The following IL1RAPL1 variants were observed in gnomAD, a reference collection of about 807,000 sequenced individuals.
IL1RAPL1 encodes interleukin-1 receptor accessory protein-like 1.
IL1RAPL1 carries 3 observed loss-of-function variants against 48.4 expected under a neutral mutation model. The observed-to-expected ratio is 0.06, with a 90% CI of 0.03 to 0.16. The LOEUF (loss-of-function observed/expected upper bound fraction) is 0.16. IL1RAPL1 is among the 10% of genes least tolerant of loss of function. The pLI is 1.00. For synonymous variants in IL1RAPL1, 185 were observed against 187.7 expected (o/e 0.99, Z 0.12); for missense variants, 349 against 530.6 (o/e 0.66, Z 3.36).
chrX:28,840,445 T>G (rs1448128963), intron 2 of IL1RAPL1, among the ~76,000 whole-genome samples: 1 of 110,646 alleles, frequency 9.0e-6, no homozygotes, highest in Non-Finnish European at 1.9e-5. Flanking sequence ...ATGGGTTATG[T>G]GAAATATTTT....
chrX:29,613,719 G>A (rs1447421725), intron 5 of IL1RAPL1, among the ~76,000 whole-genome samples: 2 of 79,400 alleles, frequency 2.5e-5, no homozygotes, highest in Non-Finnish European at 4.4e-5. Flanking sequence ...TTTCGTGTGT[G>A]TGTGTGTGTG....
chrX:29,538,112 C>T (rs1234547977), intron 5 of IL1RAPL1, among the ~76,000 whole-genome samples: 1 of 108,766 alleles, frequency 9.2e-6, no homozygotes, highest in African/African-American at 3.3e-5. Flanking sequence ...GTTACCTGAT[C>T]TTTATTGTTT....
intron 6 of IL1RAPL1, among the ~76,000 whole-genome samples, chrX:29,859,362 A>G (rs978575124): frequency 8.9e-5 from 10 of 111,836 alleles, no homozygotes; most frequent in African/African-American, 2.9e-4. Context: ...TCCATAGCCA[A>G]TCTACCACCA....
chrX:28,652,791 ATT>A (rs58460550), intron 1 of IL1RAPL1, among the ~76,000 whole-genome samples: 16 of 103,148 alleles, frequency 1.6e-4, no homozygotes, highest in African/African-American at 5.3e-4. Flanking sequence ...CTGTGACGTG[ATT>A]TTTTTTTTTT....
At chrX:29,566,963 T>TGA (rs1378391829) in intron 5 of IL1RAPL1, among the ~76,000 whole-genome samples, 1 of 111,449 alleles carries the variant, frequency 9.0e-6, no homozygotes, top group African/African-American at 3.3e-5. Context: ...AGTTAAGAGA[T>TGA]GAGTATAGCT....
At chrX:29,768,518 G>A (rs763230891) in intron 6 of IL1RAPL1, among the ~76,000 whole-genome samples, 37 of 111,616 alleles carry the variant, frequency 3.3e-4, no homozygotes, top group African/African-American at 1.2e-3. Flanking sequence ...GCCATTGTGT[G>A]TGCCTGGTAC....
intron 2 of IL1RAPL1, among the ~76,000 whole-genome samples, chrX:28,945,223 C>A (rs926665990): frequency 9.0e-6 from 1 of 111,058 alleles, no homozygotes; most frequent in Non-Finnish European, 1.9e-5. Flanking sequence ...ACCAGAAATA[C>A]CATTTGACCC....
intron 2 of IL1RAPL1, among the ~76,000 whole-genome samples, chrX:29,069,767 T>C (rs2147439667): frequency 9.0e-6 from 1 of 111,321 alleles, no homozygotes; most frequent in Non-Finnish European, 1.9e-5. Context: ...AACAGCTAAT[T>C]TTTTATTTCT....
intron 2 of IL1RAPL1, among the ~76,000 whole-genome samples, chrX:29,070,972 A>G (rs55875666): frequency 0.059 from 6,587 of 111,657 alleles, 242 homozygotes; most frequent in African/African-American, 0.12. Flanking sequence ...TATATCAGAC[A>G]TGATCAGAAA....
rs189373882 is a variant in IL1RAPL1 at position 29,600,237 on chromosome X, C to A, written c.704-68193C>A. Among the ~76,000 whole-genome samples, 135 of 111,590 alleles carry A rather than the reference C, an allele frequency of 1.2e-3. 2 individuals carry two copies. The highest frequency in any genetic ancestry group is 4.2e-3 in the African/African-American group (128 of 30,603). On this transcript the variant is annotated intron_variant, in intron 5 of 10. Coordinates refer to ENST00000378993, the MANE Select transcript of IL1RAPL1 (RefSeq NM_014271.4). ...TGCTCCCTTGATGTGGTGTTCTCCCCCTTCCCCTAGGAATAAAGCTTCCTG... is the reference window on the plus strand; with the variant it reads ...TGCTCCCTTGATGTGGTGTTCTCCCACTTCCCCTAGGAATAAAGCTTCCTG...
At chrX:29,149,352 T>C (rs1929415108) in intron 2 of IL1RAPL1, among the ~76,000 whole-genome samples, 1 of 111,087 alleles carries the variant, frequency 9.0e-6, no homozygotes, top group African/African-American at 3.3e-5. Context: ...ACAACTGATA[T>C]AAAGTGGATA....
At chrX:29,056,262 G>A (rs766658007) in intron 2 of IL1RAPL1, among the ~76,000 whole-genome samples, 50 of 111,249 alleles carry the variant, frequency 4.5e-4, no homozygotes, top group African/African-American at 1.6e-3. Flanking sequence ...TGTACCTGAG[G>A]ATAATTAATA....
intron 1 of IL1RAPL1, among the ~76,000 whole-genome samples, chrX:28,735,300 ATAGAG>A (rs1935807421): frequency 1.8e-5 from 2 of 110,260 alleles, no homozygotes; most frequent in South Asian, 3.9e-4. Flanking sequence ...ACTCCAATCT[ATAGAG>A]TATTTTTTTT....
At chrX:29,241,523 T>A (rs2043041432) in intron 2 of IL1RAPL1, among the ~76,000 whole-genome samples, 1 of 111,297 alleles carries the variant, frequency 9.0e-6, no homozygotes, top group Non-Finnish European at 1.9e-5. Flanking sequence ...TCATCTGTGG[T>A]GGCTCCTGGA....
intron 2 of IL1RAPL1, among the ~76,000 whole-genome samples, chrX:28,822,871 C>T (rs1936951707): frequency 8.9e-6 from 1 of 111,759 alleles, no homozygotes; most frequent in Admixed American, 9.5e-5. Flanking sequence ...ACCACTTCCA[C>T]CAACCCCTGT....
intron 2 of IL1RAPL1, among the ~76,000 whole-genome samples, chrX:29,058,797 C>G (rs1438711915): frequency 8.9e-6 from 1 of 111,940 alleles, no homozygotes; most frequent in African/African-American, 3.3e-5. Flanking sequence ...TACAGCTGTT[C>G]TACTTTCTAA....
At chrX:28,698,327 A>G (rs1350525022) in intron 1 of IL1RAPL1, among the ~76,000 whole-genome samples, 1 of 111,401 alleles carries the variant, frequency 9.0e-6, no homozygotes, top group Non-Finnish European at 1.9e-5. Flanking sequence ...TTTTGCAGGT[A>G]ATTAAGCATT....
chrX:28,590,748 G>A (rs994786067), intron 1 of IL1RAPL1, among the ~76,000 whole-genome samples: 1 of 111,259 alleles, frequency 9.0e-6, no homozygotes, highest in Non-Finnish European at 1.9e-5. Flanking sequence ...GTTTTCTGAC[G>A]TAAGCCACAC....
chrX:29,911,152 T>C (rs1026703692), intron 6 of IL1RAPL1, among the ~76,000 whole-genome samples: 4 of 111,808 alleles, frequency 3.6e-5, no homozygotes, highest in African/African-American at 1.3e-4. Flanking sequence ...ACATATGGGA[T>C]ATATTCACAC....
Sources: allele counts gnomAD v4.1 joint callset (sites outside exome capture counted in the v4.1 genomes callset), GRCh38; gene constraint gnomAD v4.1.1; transcripts MANE v1.5; gene names NCBI Gene and HGNC (gene_info 2026-07-23, HGNC 2026-07-21).